SCAPER: variants seen among roughly 807,000 people sequenced by gnomAD.
SCAPER encodes S-phase cyclin A associated protein in the ER.
Under a neutral mutation model 182.2 loss-of-function variants are expected in SCAPER, and 98 were observed. The ratio of observed to expected loss-of-function variants is 0.54; its 90% CI spans 0.46 to 0.64. The LOEUF (loss-of-function observed/expected upper bound fraction) is 0.64. Among genes scored for constraint, SCAPER ranks in the 30% least tolerant of loss-of-function variants. SCAPER has a pLI of 0.00. For missense variants in SCAPER, 1,432 were observed against 1,690.0 expected, an observed-to-expected ratio of 0.85 and a Z score of 2.68; for synonymous variants, 605 against 564.6, an observed-to-expected ratio of 1.07 and a Z score of -1.01.
At chr15:76,885,516 C>A (rs972305868) in intron 1 of SCAPER, among the ~76,000 whole-genome samples, 4 of 152,220 alleles carry the variant, frequency 2.6e-5, no homozygotes, top group Non-Finnish European at 4.4e-5. Flanking sequence ...CAGGGTCTGG[C>A]TCTGTCGCCC....
At chr15:76,494,986 C>T (rs2040358008) in intron 24 of SCAPER, among the ~76,000 whole-genome samples, 1 of 151,986 alleles carries the variant, frequency 6.6e-6, no homozygotes, top group African/African-American at 2.4e-5. Flanking sequence ...TCTTTAAAAC[C>T]TTTGGTTTCT....
intron 1 of SCAPER, among the ~76,000 whole-genome samples, chr15:76,891,093 G>T (rs1377220328): frequency 6.6e-6 from 1 of 152,152 alleles, no homozygotes; most frequent in African/African-American, 2.4e-5. Context: ...AATAGATGCA[G>T]AAAAGGCCTT....
chr15:76,678,033 T>C (rs1468549700), intron 20 of SCAPER, among the ~76,000 whole-genome samples: 1 of 152,044 alleles, frequency 6.6e-6, no homozygotes, highest in Non-Finnish European at 1.5e-5. Context: ...TGTGGCACAA[T>C]GAAGCAAATA....
chr15:76,765,097 G>A, intron 13 of SCAPER, 25 bp from the exon 14 acceptor site: 1 of 1,462,484 alleles, frequency 6.8e-7, no homozygotes, highest in Admixed American at 2.1e-5. Flanking sequence ...AAATGGACAA[G>A]AGACATGAAA....
intron 1 of SCAPER, among the ~76,000 whole-genome samples, chr15:76,903,584 C>G (rs1031637585): frequency 1.3e-5 from 2 of 152,198 alleles, no homozygotes; most frequent in Non-Finnish European, 2.9e-5. Context: ...TCACCAAACA[C>G]TGAATCATCA....
intron 10 of SCAPER, 157 bp downstream of exon 10, chr15:76,771,585 C>T: frequency 1.7e-6 from 1 of 571,812 alleles, no homozygotes. Context: ...TTAACTATAT[C>T]AAAAGTTTAC....
chr15:76,454,877 T>C (rs2048614699), intron 25 of SCAPER, among the ~76,000 whole-genome samples: 1 of 152,142 alleles, frequency 6.6e-6, no homozygotes, highest in African/African-American at 2.4e-5. Context: ...AGATTTTAAA[T>C]AATTTATTTA....
chr15:76,883,749 TAAAAG>T (rs1404654803), intron 2 of SCAPER, 58 bp downstream of exon 2: 19 of 1,308,982 alleles, frequency 1.5e-5, no homozygotes, highest in African/African-American at 1.5e-5. Context: ...TTAAAAAAGA[TAAAAG>T]AAAGGAAGAA....
At chr15:76,574,781 T>C (rs182055911) in intron 22 of SCAPER, among the ~76,000 whole-genome samples, 1 of 152,188 alleles carries the variant, frequency 6.6e-6, no homozygotes, top group African/African-American at 2.4e-5. Context: ...CGACAGAACA[T>C]TTATTTAGTT....
At chr15:76,702,809 G>A (rs2930681) in intron 19 of SCAPER, 41 bp downstream of exon 19, 209,726 of 1,563,200 alleles carry the variant, frequency 0.13, 15,136 homozygotes, top group African/African-American at 0.24. Context: ...ATAAACTTTA[G>A]TAGTAAACTA....
chr15:76,587,896 G>A (rs576575090), intron 22 of SCAPER, among the ~76,000 whole-genome samples: 1 of 151,582 alleles, frequency 6.6e-6, no homozygotes, highest in East Asian at 1.9e-4. Context: ...CTATTACTGT[G>A]CTACTGTCTT....
intron 20 of SCAPER, among the ~76,000 whole-genome samples, chr15:76,684,682 T>TA (rs1044440810): frequency 6.5e-4 from 98 of 151,892 alleles, no homozygotes; most frequent in African/African-American, 2.2e-3. Flanking sequence ...AGTATAAAAA[T>TA]AAATTTCTAG....
intron 22 of SCAPER, among the ~76,000 whole-genome samples, chr15:76,595,024 C>T (rs369927540): frequency 2.5e-5 from 3 of 121,360 alleles, no homozygotes; most frequent in African/African-American, 7.6e-5. Flanking sequence ...TTAGAAGACA[C>T]AGACTGGCAA....
chr15:76,751,555 G>T (rs2062084058), intron 15 of SCAPER, among the ~76,000 whole-genome samples: 1 of 151,628 alleles, frequency 6.6e-6, no homozygotes, highest in Non-Finnish European at 1.5e-5. Context: ...ATAGAACACG[G>T]GGCTAAGAAA....
rs1268956388 is a variant in SCAPER, at chr15:76,765,376, A to G, written c.1574T>C (p.Ile525Thr). 1 of 1,613,690 alleles carries G rather than the reference A, an allele frequency of 6.2e-7. No individual in the cohort carries two copies. Among genetic ancestry groups the G allele is most frequent in the African/African-American group, 1.3e-5 (1 of 74,910 alleles). Residue 525 changes from isoleucine to threonine, a missense_variant, in exon 13 of 32, where the codon ATT becomes ACT. Physicochemically the swap from Ile to Thr is moderately conservative, Grantham distance 89 (BLOSUM62 -1). Around this residue, in one of 5 missense-constraint regions of SCAPER, gnomAD observed 128 missense variants for 149.9 expected, o/e 0.85. Transcript: ENST00000563290. ...TGAAGAAAGTTTTTCATGCATGTGA[A>G]TTCCATGCCCTGGAGGTCTAGCAGG... ...EEPARPPGHG[I>T]HMHEKLSSPS...
At chr15:76,527,096 G>A (rs930117515) in intron 23 of SCAPER, among the ~76,000 whole-genome samples, 2 of 152,090 alleles carry the variant, frequency 1.3e-5, no homozygotes, top group South Asian at 2.1e-4. Context: ...GGCTGGTCTC[G>A]AACTCCTGAC....
chr15:76,416,653 C>A (rs2142280631), intron 26 of SCAPER, among the ~76,000 whole-genome samples: 1 of 152,234 alleles, frequency 6.6e-6, no homozygotes, highest in South Asian at 2.1e-4. Flanking sequence ...AAGGTATATT[C>A]TCTGACCCAG....
At chr15:76,421,256 A>G (rs74381279) in intron 26 of SCAPER, among the ~76,000 whole-genome samples, 60,350 of 151,730 alleles carry the variant, frequency 0.4, 14,251 homozygotes, top group Middle Eastern at 0.55. Flanking sequence ...AAGTGTTCCT[A>G]TTTCTCCACA....
intron 22 of SCAPER, among the ~76,000 whole-genome samples, chr15:76,591,989 G>A (rs1403295826): frequency 1.3e-5 from 2 of 152,290 alleles, no homozygotes; most frequent in Non-Finnish European, 2.9e-5. Flanking sequence ...GAGCCTGGTA[G>A]GCTGAGGCTG....
Sources: allele counts gnomAD v4.1 joint callset (sites outside exome capture counted in the v4.1 genomes callset), GRCh38; gene constraint gnomAD v4.1.1; regional missense constraint gnomAD v4.1.1; transcripts MANE v1.5; gene names NCBI Gene and HGNC (gene_info 2026-07-23, HGNC 2026-07-21).